Variants in ZSWIM8 observed in about 807,000 individuals in gnomAD.
The protein encoded by ZSWIM8 is zinc finger SWIM-type containing 8.
In ZSWIM8, 27 loss-of-function variants were observed where a neutral mutation model predicts 173.7. The observed-to-expected ratio is 0.16, with a 90% CI of 0.11 to 0.21. The LOEUF is 0.21. ZSWIM8 is among the 10% of genes least tolerant of loss of function. The pLI, the probability that ZSWIM8 is intolerant of heterozygous loss-of-function variation, is 1.00. For missense variants in ZSWIM8, 1,627 were observed against 2,428.8 expected, an observed-to-expected ratio of 0.67 and a Z score of 6.94; for synonymous variants, 958 against 962.0, an observed-to-expected ratio of 1.00 and a Z score of 0.08.
Position 73,790,669 on chromosome 10 carries a change from C to T in ZSWIM8, c.942-306C>T, listed in dbSNP as rs148690074. The stretch of plus-strand genomic sequence containing the variant: ...TTCGAGACCAGCCTGGCCAACATGG[C>T]GAATCTCCATCTCTACTAAAAAAAC... On this transcript the variant is annotated intron_variant, in intron 7 of 25. Coordinates refer to ENST00000604729, the MANE Select transcript of ZSWIM8 (RefSeq NM_001367799.1). 5.9e-3 allele frequency among the ~76,000 whole-genome samples: 899 copies of T among 152,062 alleles called. 9 individuals carry two copies. The highest frequency in any genetic ancestry group is 0.02 in the African/African-American group (846 of 41,460).
chr10:73,792,327 G>A lies in ZSWIM8; in HGVS notation c.1788G>A (p.Lys596=), dbSNP rs769111207. Residue 596 remains lysine, a synonymous_variant, in exon 10 of 26, where the codon AAG becomes AAA. Transcript: ENST00000604729. The surrounding 1 kb of genome is among the most constrained non-coding windows in gnomAD (Gnocchi z 4.3). ...KALGGAGSGS[K]GSAGGGSKRR... ...TGGGTGGGGCTGGCAGTGGGAGCAA[G>A]GGCTCAGCAGGTGGCGGAAGCAAGC... is the stretch of plus-strand genomic sequence containing the variant. The A allele has an allele frequency of 6.2e-7, 1 of 1,612,940 alleles. No individual in the cohort carries two copies. Among genetic ancestry groups the A allele is most frequent in the South Asian group, 1.1e-5 (1 of 91,000 alleles).
intron 14 of ZSWIM8, 31 bp from the exon 15 acceptor site, chr10:73,795,508 C>G (rs775377064): frequency 6.2e-7 from 1 of 1,612,588 alleles, no homozygotes; most frequent in Non-Finnish European, 8.5e-7. Flanking sequence ...TATGACTACT[C>G]TCAATCCCCA....
At chr10:73,795,302 C>G (rs181987831) in intron 14 of ZSWIM8, among the ~76,000 whole-genome samples, 387 of 152,254 alleles carry the variant, frequency 2.5e-3, no homozygotes, top group African/African-American at 9.0e-3. Context: ...GCCAGCTTCC[C>G]TAAAATGATA....
chr10:73,794,505 C>A (rs1554974731), intron 13 of ZSWIM8, 36 bp from the exon 14 acceptor site: 2 of 1,566,584 alleles, frequency 1.3e-6, no homozygotes, highest in East Asian at 4.7e-5. Flanking sequence ...ATGCATGATA[C>A]TTCTGTCTGC....
At chr10:73,786,984 C>A (rs2132643550) in intron 1 of ZSWIM8, among the ~76,000 whole-genome samples, 1 of 150,586 alleles carries the variant, frequency 6.6e-6, no homozygotes, top group South Asian at 2.1e-4. Flanking sequence ...GCTCTTGTTG[C>A]CCAGGCTGGA....
Position 73,789,873 on chromosome 10 carries a change from C to A in ZSWIM8, c.738+49C>A. 6.3e-7 allele frequency: 1 copy of A among 1,583,018 alleles called. No homozygotes were observed. The highest frequency in any genetic ancestry group is 1.3e-5 in the African/African-American group (1 of 74,148). ...CTGCAATTAGCTCCGGGCCAGGCCG[C>A]ATAACAGCCTTCCTGTTAGGCCCAG... On this transcript the variant is annotated intron_variant, in intron 5 of 25. Coordinates refer to ENST00000604729, the MANE Select transcript of ZSWIM8 (RefSeq NM_001367799.1). The surrounding 1 kb of genome is among the most constrained non-coding windows in gnomAD (Gnocchi z 6.8).
chr10:73,801,488 TCTCA>T lies in ZSWIM8; in HGVS notation c.5478_5481del (p.Leu1827ArgfsTer32). On this transcript the variant is annotated frameshift_variant, in exon 26 of 26. Coordinates refer to ENST00000604729, the MANE Select transcript of ZSWIM8 (RefSeq NM_001367799.1). LOFTEE classifies it high-confidence loss of function. This position sits in a 1 kb window ranked among gnomAD's most constrained non-coding sequence, Gnocchi z 4.9. The stretch of plus-strand genomic sequence containing the variant: ...CAGACCAAGGAGCTGTGGCAGCGGG[TCTCA>T]CTCGAGATGGCCACCTTCTCCCCCT... 1 of 1,613,840 alleles carries T rather than the reference TCTCA, an allele frequency of 6.2e-7. No individual in the cohort carries two copies. The highest frequency in any genetic ancestry group is 8.5e-7 in the Non-Finnish European group (1 of 1,179,846).
Position 73,798,426 on chromosome 10 carries a change from G to A in ZSWIM8, c.4149G>A (p.Gln1383=), listed in dbSNP as rs2083764924. 3 of 1,613,984 alleles carry A rather than the reference G, an allele frequency of 1.9e-6. No homozygotes were observed. The highest frequency in any genetic ancestry group is 1.1e-5 in the South Asian group (1 of 91,080). ...HAHALNPNEI[Q]RALVQCKEQD... ...ATGCATTGAACCCTAATGAGATCCA[G>A]CGGGCCCTGGTGCAGTGCAAGGAAC... Residue 1383 remains glutamine, a synonymous_variant, in exon 20 of 26, where the codon CAG becomes CAA. Coordinates refer to ENST00000604729, the MANE Select transcript of ZSWIM8 (RefSeq NM_001367799.1).
rs2083705518 is a variant in ZSWIM8 at position 73,797,225 on chromosome 10, T to C, written c.3387T>C (p.Asn1129=). 2 of 1,613,848 alleles carry C rather than the reference T, an allele frequency of 1.2e-6. No homozygotes were observed. Among genetic ancestry groups the C allele is most frequent in the Admixed American group, 1.7e-5 (1 of 60,002 alleles). Reference sequence around the variant, plus strand: ...CACTTGGCAGTCGTGGAGGCTATAATGGACGGGGATGGGGGTCCCCAGGAC... The same window carrying C: ...CACTTGGCAGTCGTGGAGGCTATAACGGACGGGGATGGGGGTCCCCAGGAC... ...RLALGSRGGY[N]GRGWGSPGRP... The change falls in exon 17 of 26, where the codon AAT becomes AAC. Residue 1129 remains asparagine (N), a synonymous_variant. Transcript: ENST00000604729. The surrounding 1 kb of genome is among the most constrained non-coding windows in gnomAD (Gnocchi z 5.6).
At position 73,789,021 on chromosome 10, in the gene ZSWIM8, G is replaced by A; in HGVS notation, c.363-75G>A. ...ATGAGGCTAGGGAGAGAGTGCCTAGGGCATTGTGGTCTCTGACAGGGTCTG... is the reference window on the plus strand; with the variant it reads ...ATGAGGCTAGGGAGAGAGTGCCTAGAGCATTGTGGTCTCTGACAGGGTCTG... On this transcript the variant is annotated intron_variant, in intron 2 of 25. Transcript: ENST00000604729. The surrounding 1 kb of genome is among the most constrained non-coding windows in gnomAD (Gnocchi z 6.8). 6.8e-7 allele frequency: 1 copy of A among 1,461,628 alleles called. No homozygotes were observed. Among genetic ancestry groups the A allele is most frequent in the Non-Finnish European group, 9.5e-7 (1 of 1,052,394 alleles). The allele number at this position is 1,461,628 out of a possible 1,614,324, so 90.5% of individuals were successfully genotyped here. A position where few individuals can be genotyped will look rare whatever the true frequency, so the allele number is the denominator to read the frequency against.
rs2083196088 is a variant in ZSWIM8, at chr10:73,785,779, C to T, written c.-100C>T. Reference sequence around the variant, plus strand: ...TGAGCGCCCCGGCCACCCCCAGCCCCGGCTCGCCCCTCAGGCCCCGGGCCT... The same window carrying T: ...TGAGCGCCCCGGCCACCCCCAGCCCTGGCTCGCCCCTCAGGCCCCGGGCCT... On this transcript the variant is annotated 5_prime_UTR_variant, in exon 1 of 26. Coordinates refer to ENST00000604729, the MANE Select transcript of ZSWIM8 (RefSeq NM_001367799.1). The T allele has an allele frequency of 2.3e-6, 3 of 1,327,790 alleles. No homozygotes were observed. The highest frequency in any genetic ancestry group is 2.1e-6 in the Non-Finnish European group (2 of 973,718). The allele number at this position is 1,327,790 out of a possible 1,614,324, so 82.3% of individuals were successfully genotyped here. A position where few individuals can be genotyped will look rare whatever the true frequency, so the allele number is the denominator to read the frequency against.
intron 1 of ZSWIM8, among the ~76,000 whole-genome samples, chr10:73,788,451 C>T (rs971730703): frequency 2.0e-5 from 3 of 152,196 alleles, no homozygotes; most frequent in Admixed American, 2.0e-4. Flanking sequence ...TAGGTGTAGC[C>T]GGCTGTGGGC....
chr10:73,799,560 G>C (rs1332598102), intron 21 of ZSWIM8, 70 bp downstream of exon 21: 1 of 1,554,032 alleles, frequency 6.4e-7, no homozygotes, highest in Non-Finnish European at 8.7e-7. Context: ...GTTGGAGTGG[G>C]TACTCTGGGA....
intron 2 of ZSWIM8, 80 bp downstream of exon 2, chr10:73,788,903 G>T: frequency 6.4e-7 from 1 of 1,570,798 alleles, no homozygotes; most frequent in Non-Finnish European, 8.7e-7. Flanking sequence ...GAACAAAGGA[G>T]ACATTGTATT....
chr10:73,788,927 A>G, intron 2 of ZSWIM8, 104 bp downstream of exon 2: 1 of 1,514,550 alleles, frequency 6.6e-7, no homozygotes, highest in East Asian at 2.3e-5. Flanking sequence ...GGCAGTGGTA[A>G]GAGGAAGACA....
rs775406244 is a variant in ZSWIM8, at chr10:73,792,134, G to A, written c.1595G>A (p.Arg532Gln). The A allele has an allele frequency of 1.7e-5, 26 of 1,533,410 alleles. No individual in the cohort carries two copies. Among genetic ancestry groups the A allele is most frequent in the Admixed American group, 4.1e-5 (2 of 48,458 alleles). 95.0% of individuals were successfully genotyped at this position (1,533,410 alleles called of 1,614,324 possible). Residue 532 changes from arginine (R) to glutamine (Q), a missense_variant, in exon 10 of 26, where the codon CGA becomes CAA. This residue lies in a region of ZSWIM8 where 383 missense variants were observed against 394.8 expected (regional missense o/e 0.97). Transcript: ENST00000604729. This position sits in a 1 kb window ranked among gnomAD's most constrained non-coding sequence, Gnocchi z 4.3. ...CTGGAGGAATCCCGGGACCGGCCCC[G>A]ACCCCTTCCTACTGAGCCAGCTGTG... ...GGLEESRDRP[R>Q]PLPTEPAVRP...
At position 73,798,886 on chromosome 10, in the gene ZSWIM8, C is replaced by CCT. The variant is rs904048046; in HGVS notation, c.4177-113_4177-112dup. 1.1e-4 allele frequency: 157 copies of CCT among 1,386,618 alleles called. 1 individual carries two copies. Among genetic ancestry groups the CCT allele is most frequent in the Admixed American group, 5.9e-4 (25 of 42,422 alleles). 85.9% of individuals were successfully genotyped at this position (1,386,618 alleles called of 1,614,324 possible). A position where few individuals can be genotyped will look rare whatever the true frequency, so the allele number is the denominator to read the frequency against. The stretch of plus-strand genomic sequence containing the variant: ...AATGGACTCTAAGCATTGACACTGA[C>CCT]CTCTGATGATTCCCTGGGAATGAGA... On this transcript the variant is annotated intron_variant, in intron 20 of 25. Transcript: ENST00000604729.
chr10:73,799,907 T>TATA (rs1312949467), intron 21 of ZSWIM8, 104 bp from the exon 22 acceptor site: 18 of 1,252,136 alleles, frequency 1.4e-5, no homozygotes. Context: ...AGCGAGACTC[T>TATA]ATCTCAAAAA....
chr10:73,789,063 G>T lies in ZSWIM8; in HGVS notation c.363-33G>T. 6.2e-7 allele frequency: 1 copy of T among 1,608,420 alleles called. No homozygotes were observed. ...CAGGGTCTGCCAAAGGTTATTTGCT[G>T]AGTTGTGGCTGTGTCCTCTTCTTCA... On this transcript the variant is annotated intron_variant, in intron 2 of 25. Coordinates refer to ENST00000604729, the MANE Select transcript of ZSWIM8 (RefSeq NM_001367799.1). This position sits in a 1 kb window ranked among gnomAD's most constrained non-coding sequence, Gnocchi z 6.8.
Sources: gnomAD v4.1 joint callset for allele counts (sites outside exome capture counted in the v4.1 genomes callset) on GRCh38, gnomAD v4.1.1 for gene constraint, gnomAD v4.1.1 regional missense constraint, Gnocchi (gnomAD v3.1) non-coding constraint, MANE v1.5 for transcripts, NCBI Gene and HGNC (gene_info 2026-07-23, HGNC 2026-07-21) for gene names.